The following IL23R variants were observed in gnomAD, a reference collection of about 807,000 sequenced individuals.
The protein encoded by IL23R is interleukin-23 receptor.
IL23R carries 34 observed loss-of-function variants against 56.9 expected under a neutral mutation model. That is an observed-to-expected ratio of 0.60 (90% CI 0.45 to 0.80). The LOEUF (loss-of-function observed/expected upper bound fraction) is 0.80. Ranked by LOEUF, IL23R falls within the 30% of genes least tolerant of loss-of-function variation. IL23R has a pLI of 0.00. For missense variants in IL23R, 635 were observed against 730.0 expected (o/e 0.87, Z 1.50); for synonymous variants, 230 against 249.2 (o/e 0.92, Z 0.73).
intron 9 of IL23R, among the ~76,000 whole-genome samples, chr1:67,254,588 A>G (rs1388946449): frequency 6.6e-6 from 1 of 152,316 alleles, no homozygotes; most frequent in East Asian, 1.9e-4. Context: ...ATGAGTAAAG[A>G]AATAATATTT....
intron 9 of IL23R, 44 bp from the exon 10 acceptor site, chr1:67,255,793 A>C: frequency 1.0e-6 from 1 of 976,508 alleles, no homozygotes; most frequent in Non-Finnish European, 1.7e-6. Context: ...CTAATCTCCT[A>C]TATGATTGCC....
At chr1:67,220,861 C>T (rs191525700) in intron 7 of IL23R, among the ~76,000 whole-genome samples, 5 of 152,192 alleles carry the variant, frequency 3.3e-5, no homozygotes, top group African/African-American at 1.2e-4. Flanking sequence ...GCCTCAGCCT[C>T]CCAAGTGGCT....
chr1:67,138,690 C>T (rs1646606229), upstream of IL23R, among the ~76,000 whole-genome samples: 1 of 152,166 alleles, frequency 6.6e-6, no homozygotes, highest in Non-Finnish European at 1.5e-5. Flanking sequence ...CTCAGCAAAC[C>T]CATGGTACAG....
rs746969384 is a variant in IL23R, at chr1:67,227,940, ATCTTTCTTTCTTTCTTTCTTTCTT to A, written c.955+8267_955+8290del. ...TGCAACCTATTACTACAGAACAAAG[ATCTTTCTTTCTTTCTTTCTTTCTT>A]TCTTTCTTTCTTTCTTTCTTTCTTT... is the stretch of plus-strand genomic sequence containing the variant. On this transcript the variant is annotated intron_variant, in intron 7 of 10. Coordinates refer to ENST00000347310, the MANE Select transcript of IL23R (RefSeq NM_144701.3). Among the ~76,000 whole-genome samples, 187 of 37,456 alleles carry A rather than the reference ATCTTTCTTTCTTTCTTTCTTTCTT, an allele frequency of 5.0e-3. 7 individuals are homozygous for A. Among genetic ancestry groups the A allele is most frequent in the Non-Finnish European group, 8.0e-3 (131 of 16,358 alleles). The allele number at this position is 37,456 out of a possible 152,430, so 24.6% of individuals were successfully genotyped here.
At chr1:67,208,142 T>C (rs537467763) in intron 6 of IL23R, among the ~76,000 whole-genome samples, 1 of 152,292 alleles carries the variant, frequency 6.6e-6, no homozygotes, top group African/African-American at 2.4e-5. Context: ...GTAGAAGAAA[T>C]TTCTACGCAG....
At chr1:67,224,053 C>T (rs573076659) in intron 7 of IL23R, among the ~76,000 whole-genome samples, 242 of 152,300 alleles carry the variant, frequency 1.6e-3, no homozygotes, top group Non-Finnish European at 2.6e-3. Context: ...CATTTAGCCT[C>T]TACCATGTGC....
chr1:67,235,597 T>C (rs1651423100), intron 7 of IL23R, among the ~76,000 whole-genome samples: 2 of 152,124 alleles, frequency 1.3e-5, no homozygotes, highest in Non-Finnish European at 2.9e-5. Context: ...TTTCACCATG[T>C]TGCCCAGGCT....
At chr1:67,158,881 A>T (rs1443673427) in intron 1 of IL23R, among the ~76,000 whole-genome samples, 1 of 147,596 alleles carries the variant, frequency 6.8e-6, no homozygotes, top group African/African-American at 2.5e-5. Context: ...TCAGTGATTG[A>T]TAGTGAGACT....
In IL23R at chr1:67,258,522, A is replaced by T. The variant is rs767228231; in HGVS notation, c.1284A>T (p.Leu428=). 3 of 1,606,724 alleles carry T rather than the reference A, an allele frequency of 1.9e-6. No homozygotes were observed. In the African/African-American group the frequency reaches 4.0e-5, roughly 22 times the overall value. The change falls in exon 11 of 11, where the codon CTA becomes CTT. Residue 428 remains leucine (L), a synonymous_variant. Transcript: ENST00000347310. ...ATAATAATTCCAGTGAGCAGGTCCT[A>T]TATGTTGATCCCATGATTACAGAGA... ...LMNNNSSEQV[L]YVDPMITEIK... is the part of the protein sequence containing the mutation.
chr1:67,185,186 A>G (rs1341743963), intron 4 of IL23R, among the ~76,000 whole-genome samples: 1 of 152,224 alleles, frequency 6.6e-6, no homozygotes, highest in Non-Finnish European at 1.5e-5. Flanking sequence ...ATTTGTATAG[A>G]CAAGGGAACT....
In IL23R at chr1:67,242,432, G is replaced by GA. The variant is rs202156411; in HGVS notation, c.1148+2159dup. Among the ~76,000 whole-genome samples the GA allele has an allele frequency of 8.7e-3, 1,327 of 151,940 alleles. 19 individuals carry two copies. The highest frequency in any genetic ancestry group is 0.031 in the African/African-American group (1,273 of 41,478). On this transcript the variant is annotated intron_variant, in intron 9 of 10. Coordinates refer to ENST00000347310, the MANE Select transcript of IL23R (RefSeq NM_144701.3). ...CTATTGTTCATAGAGGCATAAGCAA[G>GA]AAAAAAAATATTCAAAGTTAAGAGT...
intron 1 of IL23R, among the ~76,000 whole-genome samples, chr1:67,150,245 G>A (rs1004098966): frequency 1.4e-4 from 16 of 115,356 alleles, no homozygotes; most frequent in African/African-American, 2.6e-4. Context: ...CAGGCATTTC[G>A]AACTTTTTTT....
At chr1:67,200,693 C>A (rs761078055) in intron 4 of IL23R, 44 bp from the exon 5 acceptor site, 3 of 1,599,328 alleles carry the variant, frequency 1.9e-6, no homozygotes, top group Non-Finnish European at 2.6e-6. Context: ...CCAATTAATT[C>A]AAACTAAATA....
intron 6 of IL23R, among the ~76,000 whole-genome samples, chr1:67,209,457 T>C (rs1448469712): frequency 6.6e-6 from 1 of 152,192 alleles, no homozygotes; most frequent in Non-Finnish European, 1.5e-5. Context: ...AGCCCGTCTT[T>C]CCCATACTAT....
chr1:67,240,044 G>A (rs1651751683), intron 8 of IL23R, 135 bp from the exon 9 acceptor site: 1 of 707,528 alleles, frequency 1.4e-6, no homozygotes, highest in Admixed American at 2.1e-5. Context: ...GTGGCCTAAA[G>A]TAAAGGTTAA....
intron 10 of IL23R, among the ~76,000 whole-genome samples, chr1:67,256,884 C>T (rs10889676): frequency 1.3e-5 from 2 of 152,014 alleles, no homozygotes; most frequent in Non-Finnish European, 2.9e-5. Context: ...AAATAAAATA[C>T]TTTTTAAAAG....
intron 4 of IL23R, among the ~76,000 whole-genome samples, chr1:67,189,057 T>C (rs894233730): frequency 3.9e-5 from 6 of 152,040 alleles, no homozygotes; most frequent in African/African-American, 7.2e-5. Context: ...ATTTTATTCA[T>C]ATATTTTTAA....
chr1:67,259,067 C>T lies in IL23R; in HGVS notation c.1829C>T (p.Thr610Ile). 1 of 1,613,912 alleles carries T rather than the reference C, an allele frequency of 6.2e-7. No homozygotes were observed. Among genetic ancestry groups the T allele is most frequent in the Non-Finnish European group, 8.5e-7 (1 of 1,179,910 alleles). ...IVNEELPSIN[T>I]YFPQNILESH... ...AATGAGGAGTTGCCATCTATTAATA[C>T]TTATTTTCCACAAAATATTTTGGAA... Residue 610 changes from threonine to isoleucine, a missense_variant, in exon 11 of 11, where the codon ACT becomes ATT. Coordinates refer to ENST00000347310, the MANE Select transcript of IL23R (RefSeq NM_144701.3).
chr1:67,248,229 T>C (rs11209028), intron 9 of IL23R, among the ~76,000 whole-genome samples: 151,154 of 152,326 alleles, frequency 0.99, 75,007 homozygotes, highest in Middle Eastern at 1. Context: ...GTTCCATTCT[T>C]CTTGTCACTT....
Sources: allele counts gnomAD v4.1 joint callset (sites outside exome capture counted in the v4.1 genomes callset), GRCh38; gene constraint gnomAD v4.1.1; transcripts MANE v1.5; gene names NCBI Gene and HGNC (gene_info 2026-07-23, HGNC 2026-07-21).